ETV6: variants seen among roughly 807,000 people sequenced by gnomAD.
The protein encoded by ETV6 is ETS variant transcription factor 6, also known as transcription factor ETV6.
Under a neutral mutation model 51.1 loss-of-function variants are expected in ETV6, and 16 were observed. The ratio of observed to expected loss-of-function variants is 0.31; its 90% CI spans 0.21 to 0.48. ETV6 has a LOEUF of 0.48. Ranked by LOEUF, ETV6 falls within the 20% of genes least tolerant of loss-of-function variation. The probability of loss-of-function intolerance (pLI) is 0.99; values close to 1 mark genes in which losing one functional copy is unlikely to be tolerated. For synonymous variants in ETV6, 240 were observed against 224.1 expected (o/e 1.07, Z -0.64); for missense variants, 458 against 594.8 (o/e 0.77, Z 2.39).
intron 1 of ETV6, among the ~76,000 whole-genome samples, chr12:11,691,691 G>A (rs972482533): frequency 2.6e-5 from 4 of 152,282 alleles, no homozygotes; most frequent in Middle Eastern, 3.4e-3. Flanking sequence ...TGCCTTGTCT[G>A]CTGTATGATG....
intron 2 of ETV6, among the ~76,000 whole-genome samples, chr12:11,759,316 G>A (rs565913796): frequency 1.3e-5 from 2 of 152,266 alleles, no homozygotes; most frequent in East Asian, 3.9e-4. Context: ...GGGATGGGGA[G>A]GGGAGGATGA....
chr12:11,814,603 A>G (rs1945964543), intron 2 of ETV6, among the ~76,000 whole-genome samples: 1 of 152,202 alleles, frequency 6.6e-6, no homozygotes, highest in Non-Finnish European at 1.5e-5. Flanking sequence ...GGCATAGCTT[A>G]GCATCCACAT....
At chr12:11,696,003 G>A (rs1864871952) in intron 1 of ETV6, among the ~76,000 whole-genome samples, 1 of 152,060 alleles carries the variant, frequency 6.6e-6, no homozygotes, top group African/African-American at 2.4e-5. Flanking sequence ...TAAGGCCTGG[G>A]GAGGGGAGAT....
intron 2 of ETV6, among the ~76,000 whole-genome samples, chr12:11,837,743 C>G (rs144564876): frequency 6.6e-6 from 1 of 152,180 alleles, no homozygotes; most frequent in Non-Finnish European, 1.5e-5. Flanking sequence ...TGCCATTGCT[C>G]TGTTTGAGCT....
At chr12:11,888,969 G>A (rs1258338251) in intron 7 of ETV6, among the ~76,000 whole-genome samples, 2 of 151,994 alleles carry the variant, frequency 1.3e-5, no homozygotes, top group African/African-American at 2.4e-5. Flanking sequence ...CCTTCTCCCC[G>A]ACAACTAGAT....
At chr12:11,795,551 C>A (rs201635812) in intron 2 of ETV6, among the ~76,000 whole-genome samples, 1 of 152,254 alleles carries the variant, frequency 6.6e-6, no homozygotes, top group East Asian at 1.9e-4. Context: ...TTCCTAAAAA[C>A]CATTCATGCA....
chr12:11,867,043 G>A (rs1291672752), intron 4 of ETV6, among the ~76,000 whole-genome samples: 4 of 152,184 alleles, frequency 2.6e-5, no homozygotes, highest in Non-Finnish European at 5.9e-5. Context: ...CAGAATCAGG[G>A]GGAAAGCTGT....
chr12:11,666,962 C>T (rs1281298681), intron 1 of ETV6, among the ~76,000 whole-genome samples: 4 of 152,140 alleles, frequency 2.6e-5, no homozygotes, highest in African/African-American at 7.2e-5. Context: ...ATGGGCTCCT[C>T]GAGGGCTTGT....
At chr12:11,694,658 A>C (rs149754271) in intron 1 of ETV6, among the ~76,000 whole-genome samples, 97 of 152,240 alleles carry the variant, frequency 6.4e-4, no homozygotes, top group African/African-American at 2.3e-3. Flanking sequence ...CCACCTGGTT[A>C]TTGTCTCTGT....
chr12:11,721,658 T>A (rs1172341054), intron 1 of ETV6, among the ~76,000 whole-genome samples: 2 of 152,186 alleles, frequency 1.3e-5, no homozygotes, highest in Non-Finnish European at 2.9e-5. Context: ...GATACCCATG[T>A]AACAAACCTG....
intron 1 of ETV6, among the ~76,000 whole-genome samples, chr12:11,689,252 T>C (rs1254212665): frequency 6.6e-6 from 1 of 152,004 alleles, no homozygotes; most frequent in Non-Finnish European, 1.5e-5. Context: ...AATTTTATGC[T>C]GTTAGGGGAT....
intron 2 of ETV6, among the ~76,000 whole-genome samples, chr12:11,823,209 C>A (rs1046719393): frequency 3.3e-5 from 5 of 152,164 alleles, no homozygotes; most frequent in African/African-American, 1.2e-4. Flanking sequence ...ATGGGGGAAT[C>A]TGTGACTATA....
chr12:11,732,600 G>T (rs908048642), intron 1 of ETV6, among the ~76,000 whole-genome samples: 1 of 152,026 alleles, frequency 6.6e-6, no homozygotes, highest in South Asian at 2.1e-4. Context: ...TTCTGCCATC[G>T]TGCACTGTGT....
chr12:11,771,594 C>T (rs1945242221), intron 2 of ETV6, among the ~76,000 whole-genome samples: 1 of 152,122 alleles, frequency 6.6e-6, no homozygotes, highest in Non-Finnish European at 1.5e-5. Flanking sequence ...CAACTCTACA[C>T]TAAGAGCTTC....
Position 11,891,531 on chromosome 12 carries a change from A to AG in ETV6, c.*489dup, listed in dbSNP as rs1211718984. The AG allele has an allele frequency of 9.4e-6, 5 of 532,954 alleles. No homozygotes were observed. The highest frequency in any genetic ancestry group is 6.2e-5 in the South Asian group (4 of 64,884). 33.0% of individuals were successfully genotyped at this position (532,954 alleles called of 1,614,324 possible). A position where few individuals can be genotyped will look rare whatever the true frequency, so the allele number is the denominator to read the frequency against. ...TGGTCAGGAAAGAGAATACTTGCAG[A>AG]GGGGTTCAGGTTCCTCTTTTTCCTG... On this transcript the variant is annotated 3_prime_UTR_variant, in exon 8 of 8. Coordinates refer to ENST00000396373, the MANE Select transcript of ETV6 (RefSeq NM_001987.5).
At chr12:11,729,928 G>T (rs779611982) in intron 1 of ETV6, among the ~76,000 whole-genome samples, 1 of 152,134 alleles carries the variant, frequency 6.6e-6, no homozygotes, top group Non-Finnish European at 1.5e-5. Context: ...GTTTTTTGCT[G>T]ATTCACAAAG....
Position 11,668,771 on chromosome 12 carries a change from G to A in ETV6, c.33+18611G>A, listed in dbSNP as rs140912664. On this transcript the variant is annotated intron_variant, in intron 1 of 7. Transcript: ENST00000396373. Reference sequence around the variant, plus strand: ...GTGGCTTCCTATTGCACAATTGCCCGGCCAGGTGTGCTACCTCTGTTAAAC... The same window carrying A: ...GTGGCTTCCTATTGCACAATTGCCCAGCCAGGTGTGCTACCTCTGTTAAAC... Among the ~76,000 whole-genome samples the A allele has an allele frequency of 3.7e-3, 564 of 152,280 alleles. 2 individuals carry two copies. The highest frequency in any genetic ancestry group is 0.013 in the African/African-American group (528 of 41,548).
chr12:11,688,822 C>T (rs1864688581), intron 1 of ETV6, among the ~76,000 whole-genome samples: 2 of 152,166 alleles, frequency 1.3e-5, no homozygotes, highest in South Asian at 2.1e-4. Flanking sequence ...ATCCCCTGGT[C>T]AGGACATCAT....
chr12:11,744,939 T>C (rs1865880201), intron 1 of ETV6, among the ~76,000 whole-genome samples: 1 of 151,726 alleles, frequency 6.6e-6, no homozygotes, highest in African/African-American at 2.4e-5. Context: ...TTTCATGGCA[T>C]GTCAAGAATG....
Sources: gnomAD v4.1 joint callset for allele counts (sites outside exome capture counted in the v4.1 genomes callset) on GRCh38, gnomAD v4.1.1 for gene constraint, MANE v1.5 for transcripts, NCBI Gene and HGNC (gene_info 2026-07-23, HGNC 2026-07-21) for gene names.